TACC2: variants seen among roughly 807,000 people sequenced by gnomAD.
The protein encoded by TACC2 is transforming acidic coiled-coil containing protein 2, also known as transforming acidic coiled-coil-containing protein 2.
In TACC2, 137 loss-of-function variants were observed where a neutral mutation model predicts 227.3. That is an observed-to-expected ratio of 0.60 (90% CI 0.52 to 0.69). The LOEUF (loss-of-function observed/expected upper bound fraction) is 0.69, where lower values mean the gene tolerates loss of function less well. Among genes scored for constraint, TACC2 ranks in the 30% least tolerant of loss-of-function variants. The probability of loss-of-function intolerance (pLI) is 0.00; values close to 1 mark genes in which losing one functional copy is unlikely to be tolerated. For missense variants in TACC2, 3,470 were observed against 3,694.4 expected (o/e 0.94, Z 1.57); for synonymous variants, 1,523 against 1,487.5 (o/e 1.02, Z -0.55).
intron 1 of TACC2, among the ~76,000 whole-genome samples, chr10:122,017,464 C>A (rs186388001): frequency 6.9e-6 from 1 of 144,100 alleles, no homozygotes; most frequent in Non-Finnish European, 1.6e-5. Context: ...GAAGACTTGC[C>A]GCCATTCCCA....
chr10:121,997,574 G>A (rs1251844514), intron 1 of TACC2, among the ~76,000 whole-genome samples: 10 of 152,016 alleles, frequency 6.6e-5, no homozygotes, highest in African/African-American at 1.4e-4. Context: ...GATGGGACAT[G>A]TTGGGAGGGG....
At chr10:122,195,752 A>AC (rs1430037754) in intron 8 of TACC2, among the ~76,000 whole-genome samples, 3 of 151,902 alleles carry the variant, frequency 2.0e-5, no homozygotes, top group Non-Finnish European at 4.4e-5. Flanking sequence ...TCCCCACCCC[A>AC]CCCCTGTGGG....
At chr10:122,139,814 A>G (rs991052743) in intron 6 of TACC2, among the ~76,000 whole-genome samples, 2 of 152,170 alleles carry the variant, frequency 1.3e-5, no homozygotes, top group Non-Finnish European at 2.9e-5. Context: ...TCTGGCCAAC[A>G]GGACTGATGT....
chr10:122,165,927 C>T (rs1442591196), intron 7 of TACC2, among the ~76,000 whole-genome samples: 1 of 152,228 alleles, frequency 6.6e-6, no homozygotes. Flanking sequence ...TGCTCTTTCC[C>T]AGTCTAGAGG....
intron 12 of TACC2, among the ~76,000 whole-genome samples, chr10:122,225,410 G>A (rs563653644): frequency 5.9e-5 from 9 of 152,356 alleles, no homozygotes; most frequent in African/African-American, 1.9e-4. Flanking sequence ...CAAACTGCAG[G>A]TTGCTGTAAG....
intron 6 of TACC2, among the ~76,000 whole-genome samples, chr10:122,133,080 CT>C (rs2088709888): frequency 6.6e-6 from 1 of 152,172 alleles, no homozygotes; most frequent in African/African-American, 2.4e-5. Context: ...GCTACTTCTC[CT>C]TTTTCAGGGA....
chr10:122,171,643 G>C (rs929847083), intron 7 of TACC2, among the ~76,000 whole-genome samples: 2 of 152,226 alleles, frequency 1.3e-5, no homozygotes, highest in African/African-American at 2.4e-5. Context: ...TTCAAAATAA[G>C]TCAGGTAGTC....
intron 11 of TACC2, 120 bp from the exon 12 acceptor site, chr10:122,224,606 G>A (rs117920976): frequency 0.012 from 9,942 of 819,420 alleles, 84 homozygotes; most frequent in Non-Finnish European, 0.017. Flanking sequence ...GGCACCGTCA[G>A]AAAGCCCAGA....
intron 7 of TACC2, among the ~76,000 whole-genome samples, chr10:122,173,285 C>T (rs1460128430): frequency 6.6e-6 from 1 of 152,194 alleles, no homozygotes; most frequent in Non-Finnish European, 1.5e-5. Context: ...GCTGCCTCAT[C>T]CTCTCTGCAA....
chr10:122,085,006 C>A lies in TACC2; in HGVS notation c.2506C>A (p.Gln836Lys). 6.2e-7 allele frequency: 1 copy of A among 1,614,196 alleles called. No individual in the cohort carries two copies. Among genetic ancestry groups the A allele is most frequent in the Non-Finnish European group, 8.5e-7 (1 of 1,180,034 alleles). The change falls in exon 4 of 23, where the codon CAA becomes AAA. Residue 836 changes from glutamine (Q) to lysine (K), a missense_variant. Physicochemically the swap from Gln to Lys is moderately conservative, Grantham distance 53. This residue lies in a region of TACC2 where 1,924 missense variants were observed against 1,978.3 expected (regional missense o/e 0.97). Coordinates refer to ENST00000369005, the MANE Select transcript of TACC2 (RefSeq NM_206862.4). ...GAAGCATCTCCAGCCATCCCAGGCA[C>A]AACCAGAGACATCCATCTTTGACGT... ...SEKHLQPSQA[Q>K]PETSIFDVLK...
At chr10:122,124,487 C>T (rs180991391) in intron 5 of TACC2, among the ~76,000 whole-genome samples, 49 of 152,350 alleles carry the variant, frequency 3.2e-4, no homozygotes, top group African/African-American at 1.1e-3. Context: ...TGTTCCCCAT[C>T]GCCCCAGGAC....
At chr10:122,204,757 C>A (rs981220050) in intron 8 of TACC2, among the ~76,000 whole-genome samples, 1 of 151,672 alleles carries the variant, frequency 6.6e-6, no homozygotes, top group Admixed American at 6.6e-5. Context: ...ACTTGGAGTT[C>A]AAGGTTGCAA....
intron 22 of TACC2, among the ~76,000 whole-genome samples, chr10:122,251,110 A>C (rs2096246781): frequency 2.6e-5 from 4 of 151,632 alleles, no homozygotes; most frequent in Admixed American, 2.6e-4. Flanking sequence ...GTTTTCGTAG[A>C]GATGGGGTCT....
At chr10:122,096,579 C>G (rs943561617) in intron 5 of TACC2, among the ~76,000 whole-genome samples, 1 of 151,806 alleles carries the variant, frequency 6.6e-6, no homozygotes, top group African/African-American at 2.4e-5. Context: ...GCCTATAATC[C>G]CAGCTACACA....
intron 11 of TACC2, among the ~76,000 whole-genome samples, chr10:122,217,760 T>C (rs1006943106): frequency 3.3e-5 from 5 of 151,716 alleles, no homozygotes; most frequent in Non-Finnish European, 5.9e-5. Flanking sequence ...GAAAACCTTT[T>C]TGAAGGAGAG....
At chr10:122,152,999 C>CTTTTT (rs150943859) in intron 7 of TACC2, among the ~76,000 whole-genome samples, 2 of 135,022 alleles carry the variant, frequency 1.5e-5, no homozygotes, top group Admixed American at 7.8e-5. Context: ...TTCTTTCTTT[C>CTTTTT]TTTTTTTTTT....
At chr10:122,019,597 C>G (rs115631214) in intron 1 of TACC2, among the ~76,000 whole-genome samples, 194 of 152,304 alleles carry the variant, frequency 1.3e-3, no homozygotes, top group African/African-American at 4.3e-3. Flanking sequence ...GATGTAATAA[C>G]GGGGAAAATC....
intron 1 of TACC2, among the ~76,000 whole-genome samples, chr10:122,002,290 A>AT (rs546365394): frequency 1.6e-3 from 244 of 152,356 alleles, no homozygotes; most frequent in Middle Eastern, 3.4e-3. Context: ...AGATTTCAAC[A>AT]TATGAATTTG....
Position 122,084,138 on chromosome 10 carries a change from A to G in TACC2, c.1638A>G (p.Pro546=). Residue 546 remains proline (P), a synonymous_variant, in exon 4 of 23, where the codon CCA becomes CCG. Coordinates refer to ENST00000369005, the MANE Select transcript of TACC2 (RefSeq NM_206862.4). ...PKAPSESARG[P]PGPTDGAKVH... is the part of the protein sequence containing the mutation. Reference sequence around the variant, plus strand: ...CACCAAGTGAAAGTGCCAGAGGGCCACCGGGGCCAACGGATGGAGCCAAGG... The same window carrying G: ...CACCAAGTGAAAGTGCCAGAGGGCCGCCGGGGCCAACGGATGGAGCCAAGG... The G allele has an allele frequency of 1.2e-6, 2 of 1,614,054 alleles. No homozygotes were observed. Among genetic ancestry groups the G allele is most frequent in the Non-Finnish European group, 1.7e-6 (2 of 1,180,004 alleles).
Sources: allele counts gnomAD v4.1 joint callset (sites outside exome capture counted in the v4.1 genomes callset), GRCh38; gene constraint gnomAD v4.1.1; regional missense constraint gnomAD v4.1.1; transcripts MANE v1.5; gene names NCBI Gene and HGNC (gene_info 2026-07-23, HGNC 2026-07-21).